The following CDH18 variants were observed in gnomAD, a reference collection of about 807,000 sequenced individuals.
CDH18 encodes cadherin 18, also known as cadherin-18.
A neutral mutation model predicts 67.9 loss-of-function variants in CDH18; 31 were observed. The observed-to-expected ratio is 0.46, with a 90% CI of 0.34 to 0.62. The LOEUF is 0.62. Among genes scored for constraint, CDH18 ranks in the 20% least tolerant of loss-of-function variants. The pLI, the probability that CDH18 is intolerant of heterozygous loss-of-function variation, is 0.01. For missense variants in CDH18, 890 were observed against 975.5 expected (o/e 0.91, Z 1.17); for synonymous variants, 362 against 347.2 (o/e 1.04, Z -0.48).
At chr5:20,077,967 G>A (rs1744095475) in intron 2 of CDH18, among the ~76,000 whole-genome samples, 1 of 152,188 alleles carries the variant, frequency 6.6e-6, no homozygotes, top group African/African-American at 2.4e-5. Flanking sequence ...TTCTCCAAGA[G>A]TCTAAAACAG....
At chr5:19,700,966 A>T (rs1259786842) in intron 5 of CDH18, among the ~76,000 whole-genome samples, 3 of 152,194 alleles carry the variant, frequency 2.0e-5, no homozygotes, top group Non-Finnish European at 4.4e-5. Context: ...GTGAGAAAAA[A>T]AGAAAAAAAA....
intron 2 of CDH18, among the ~76,000 whole-genome samples, chr5:19,967,091 A>G (rs1797519061): frequency 6.6e-6 from 1 of 151,996 alleles, no homozygotes; most frequent in African/African-American, 2.4e-5. Flanking sequence ...ACTTAGGTTT[A>G]AAAGAAAAAA....
At position 19,688,575 on chromosome 5, in the gene CDH18, G is replaced by T. The variant is rs544951794; in HGVS notation, c.643+32772C>A. Among the ~76,000 whole-genome samples, 4 of 152,208 alleles carry T rather than the reference G, an allele frequency of 2.6e-5. No homozygotes were observed. In the East Asian group the frequency reaches 7.7e-4, roughly 29 times the overall value. On this transcript the variant is annotated intron_variant, in intron 5 of 12. Transcript: ENST00000382275. Reference sequence around the variant, plus strand: ...TAAGAAAGCAAATCCCAAAATGGAAGAAGTGACTGTTACACCATATGCACA... The same window carrying T: ...TAAGAAAGCAAATCCCAAAATGGAATAAGTGACTGTTACACCATATGCACA...
chr5:19,817,179 T>C (rs1352496152), intron 3 of CDH18, among the ~76,000 whole-genome samples: 2 of 151,950 alleles, frequency 1.3e-5, no homozygotes, highest in Non-Finnish European at 2.9e-5. Context: ...GATATCTTTT[T>C]TTCACCCATC....
At chr5:19,686,810 T>C (rs970225946) in intron 5 of CDH18, among the ~76,000 whole-genome samples, 2 of 151,980 alleles carry the variant, frequency 1.3e-5, no homozygotes, top group African/African-American at 4.8e-5. Context: ...TATAACAAAA[T>C]ATCTTCCCAA....
intron 5 of CDH18, among the ~76,000 whole-genome samples, chr5:19,719,319 C>T (rs1426388184): frequency 2.0e-5 from 3 of 151,778 alleles, no homozygotes; most frequent in African/African-American, 7.3e-5. Context: ...TGCATGTATG[C>T]CTTTGTGACA....
intron 11 of CDH18, among the ~76,000 whole-genome samples, chr5:19,496,079 A>C (rs1469748517): frequency 2.0e-5 from 3 of 152,196 alleles, no homozygotes; most frequent in African/African-American, 7.2e-5. Flanking sequence ...TCTAAGCTGA[A>C]AAGCCCTGGA....
intron 4 of CDH18, among the ~76,000 whole-genome samples, chr5:19,736,478 A>T (rs530825141): frequency 6.6e-6 from 1 of 152,194 alleles, no homozygotes; most frequent in Non-Finnish European, 1.5e-5. Flanking sequence ...TTGAAAGATA[A>T]ATAATGATAT....
intron 10 of CDH18, among the ~76,000 whole-genome samples, chr5:19,516,345 A>T (rs1366728333): frequency 6.6e-6 from 1 of 152,188 alleles, no homozygotes; most frequent in Non-Finnish European, 1.5e-5. Context: ...CTTTGGTATC[A>T]GGATGATGCT....
intron 2 of CDH18, among the ~76,000 whole-genome samples, chr5:20,031,036 C>A (rs983829326): frequency 3.9e-5 from 6 of 152,090 alleles, no homozygotes; most frequent in Admixed American, 1.3e-4. Context: ...TATTTAATTT[C>A]TCTGAGATTT....
chr5:19,765,953 C>T (rs1041374669), intron 3 of CDH18, among the ~76,000 whole-genome samples: 2 of 151,680 alleles, frequency 1.3e-5, no homozygotes, highest in East Asian at 3.9e-4. Context: ...GAACTCGGCT[C>T]ACTGCAACCT....
chr5:20,105,176 C>T (rs1037506350), intron 2 of CDH18, among the ~76,000 whole-genome samples: 2 of 151,712 alleles, frequency 1.3e-5, no homozygotes, highest in East Asian at 1.9e-4. Context: ...TAGTAGAGAC[C>T]GGGTTTCACC....
rs186985402 is a variant in CDH18, at chr5:20,425,554, T to C, written c.-580+149908A>G. ...GGAGAATATTATAACTGAAGGTACA[T>C]GTATTAAGATAGTTCCATATAACAC... On this transcript the variant is annotated intron_variant, in intron 1 of 14. Transcript: ENST00000507958. Among the ~76,000 whole-genome samples, 90 of 151,220 alleles carry C rather than the reference T, an allele frequency of 6.0e-4. 4 individuals carry two copies. The highest frequency in any genetic ancestry group is 2.1e-3 in the African/African-American group (87 of 40,558).
At chr5:20,085,766 T>C (rs1388993446) in intron 2 of CDH18, among the ~76,000 whole-genome samples, 1 of 152,130 alleles carries the variant, frequency 6.6e-6, no homozygotes, top group Non-Finnish European at 1.5e-5. Flanking sequence ...TTCACTATCA[T>C]GAGAACAGCA....
chr5:19,868,759 G>C (rs1785889427), intron 2 of CDH18, among the ~76,000 whole-genome samples: 1 of 152,106 alleles, frequency 6.6e-6, no homozygotes, highest in African/African-American at 2.4e-5. Flanking sequence ...GGAGTTTACA[G>C]AGTTCAAAAA....
intron 2 of CDH18, among the ~76,000 whole-genome samples, chr5:20,221,575 A>T (rs1246964308): frequency 6.6e-6 from 1 of 152,126 alleles, no homozygotes; most frequent in African/African-American, 2.4e-5. Context: ...AGCTATAGTC[A>T]ATAATAATTT....
At chr5:20,188,311 CAAAT>C (rs951837597) in intron 2 of CDH18, among the ~76,000 whole-genome samples, 28 of 151,944 alleles carry the variant, frequency 1.8e-4, no homozygotes, top group African/African-American at 6.5e-4. Context: ...TCCAATCAGC[CAAAT>C]AAATGTTAGA....
intron 1 of CDH18, among the ~76,000 whole-genome samples, chr5:20,325,340 C>G (rs1246789391): frequency 6.6e-6 from 1 of 152,168 alleles, no homozygotes; most frequent in Non-Finnish European, 1.5e-5. Context: ...TCTGCCTTTC[C>G]TAGTATATTG....
At chr5:19,641,960 A>AC (rs1754061297) in intron 5 of CDH18, among the ~76,000 whole-genome samples, 1 of 152,128 alleles carries the variant, frequency 6.6e-6, no homozygotes, top group South Asian at 2.1e-4. Flanking sequence ...AACAACAACA[A>AC]AAAAACCTGT....
Sources: gnomAD v4.1 joint callset for allele counts (sites outside exome capture counted in the v4.1 genomes callset) on GRCh38, gnomAD v4.1.1 for gene constraint, MANE v1.5 for transcripts, NCBI Gene and HGNC (gene_info 2026-07-23, HGNC 2026-07-21) for gene names.